The following CHST10 variants were observed in gnomAD, a reference collection of about 807,000 sequenced individuals.
CHST10 encodes the protein HNK-1 sulfotransferase.
Under a neutral mutation model 34.7 loss-of-function variants are expected in CHST10, and 24 were observed. The observed-to-expected ratio is 0.69, with a 90% CI of 0.50 to 0.97. The LOEUF (loss-of-function observed/expected upper bound fraction) is 0.97. CHST10 is among the 50% of genes least tolerant of loss of function. CHST10 has a pLI of 0.00. For missense variants in CHST10, 402 were observed against 452.1 expected (o/e 0.89, Z 1.00); for synonymous variants, 161 against 169.3 (o/e 0.95, Z 0.38).
intron 2 of CHST10, among the ~76,000 whole-genome samples, chr2:100,414,496 A>G (rs529469751): frequency 6.6e-6 from 1 of 152,214 alleles, no homozygotes; most frequent in Non-Finnish European, 1.5e-5. Context: ...CCCTGAGCAC[A>G]TTCTGAACTA....
rs1465431488 is a variant in CHST10, at chr2:100,397,918, A to G, written c.417T>C (p.Ile139=). Reference sequence around the variant, plus strand: ...TAGACCCACACACACCATTTAGAACAATCAGCACTTTCTTCCACTGGGTGT... The same window carrying G: ...TAGACCCACACACACCATTTAGAACGATCAGCACTTTCTTCCACTGGGTGT... ...VGNTQWKKVL[I]VLNGAFSSIE... Residue 139 remains isoleucine, a synonymous_variant, in exon 5 of 7, where the codon ATT becomes ATC. Transcript: ENST00000264249. The G allele has an allele frequency of 1.2e-6, 2 of 1,612,070 alleles. No individual in the cohort carries two copies. Among genetic ancestry groups the G allele is most frequent in the South Asian group, 1.1e-5 (1 of 90,662 alleles).
At chr2:100,396,419 G>A (rs1454059226) in intron 5 of CHST10, among the ~76,000 whole-genome samples, 12 of 152,174 alleles carry the variant, frequency 7.9e-5, no homozygotes, top group Admixed American at 7.2e-4. Flanking sequence ...AGTATGCTGA[G>A]GTTTTCTCCA....
At position 100,395,551 on chromosome 2, in the gene CHST10, A is replaced by C; in HGVS notation, c.491T>G (p.Leu164Arg). The C allele has an allele frequency of 6.2e-7, 1 of 1,614,026 alleles. No homozygotes were observed. Among genetic ancestry groups the C allele is most frequent in the South Asian group, 1.1e-5 (1 of 91,056 alleles). Reference sequence around the variant, plus strand: ...ATCACTGAAGGAAGAGAGCCGAGGAAGGCCGTTCTTCTCGTGGTCGTGCAC... The same window carrying C: ...ATCACTGAAGGAAGAGAGCCGAGGACGGCCGTTCTTCTCGTGGTCGTGCAC... ...NVVHDHEKNG[L>R]PRLSSFSDAE... Residue 164 changes from leucine to arginine, a missense_variant, in exon 6 of 7, where the codon CTT becomes CGT. Transcript: ENST00000264249.
At chr2:100,416,972 C>A (rs1676092281) in intron 1 of CHST10, 3 of 1,304,168 alleles carry the variant, frequency 2.3e-6, no homozygotes, top group Non-Finnish European at 2.0e-6. Flanking sequence ...CATTCCCACC[C>A]CTGACTCCCC....
intron 2 of CHST10, chr2:100,408,162 A>C (rs529759091): frequency 5.3e-5 from 8 of 151,868 alleles, no homozygotes; most frequent in African/African-American, 1.9e-4. Flanking sequence ...TATTACATAT[A>C]CTTATACTAA....
At chr2:100,405,623 G>A (rs1174450849) in intron 3 of CHST10, among the ~76,000 whole-genome samples, 2 of 152,206 alleles carry the variant, frequency 1.3e-5, no homozygotes, top group African/African-American at 4.8e-5. Context: ...TGCTGGCACA[G>A]AGGCATCTCT....
chr2:100,395,329 G>C (rs1039794196), intron 6 of CHST10, among the ~76,000 whole-genome samples, 180 bp downstream of exon 6: 1 of 152,216 alleles, frequency 6.6e-6, no homozygotes, highest in African/African-American at 2.4e-5. Context: ...AGAAGGAACT[G>C]AGAGTTTTGA....
rs375217863 is a variant in CHST10, at chr2:100,401,092, C to T, written c.192+1472G>A. ...GTCACCTAACGGCATGTGGCCTCAG[C>T]GGACATCACCTCTGACATCCCCCAC... On this transcript the variant is annotated intron_variant, in intron 4 of 6. Coordinates refer to ENST00000264249, the MANE Select transcript of CHST10 (RefSeq NM_004854.5). Among the ~76,000 whole-genome samples, 34 of 152,296 alleles carry T rather than the reference C, an allele frequency of 2.2e-4. 1 individual carries two copies. Among genetic ancestry groups the T allele is most frequent in the African/African-American group, 7.2e-4 (30 of 41,568 alleles).
At chr2:100,400,833 C>A (rs1290840767) in intron 4 of CHST10, among the ~76,000 whole-genome samples, 1 of 152,138 alleles carries the variant, frequency 6.6e-6, no homozygotes, top group Non-Finnish European at 1.5e-5. Flanking sequence ...CACATGCCAC[C>A]ACACCTGGCT....
chr2:100,394,229 G>C (rs1674940049), intron 6 of CHST10, among the ~76,000 whole-genome samples: 1 of 148,144 alleles, frequency 6.8e-6, no homozygotes, highest in Non-Finnish European at 1.5e-5. Context: ...CAAATTGCCA[G>C]GGGAAGGGGG....
Position 100,395,575 on chromosome 2 carries a change from A to G in CHST10, c.467T>C (p.Val156Ala). 1 of 1,614,098 alleles carries G rather than the reference A, an allele frequency of 6.2e-7. No individual in the cohort carries two copies. The highest frequency in any genetic ancestry group is 1.6e-4 in the Middle Eastern group (1 of 6,062). Reference protein sequence around the residue: ...SSIEEIPENVVHDHEKNGLPR... With the variant: ...SSIEEIPENVAHDHEKNGLPR... ...AAGGCCGTTCTTCTCGTGGTCGTGCACCACGTTTTCGGGGATCTCCTCAAT... is the reference window on the plus strand; with the variant it reads ...AAGGCCGTTCTTCTCGTGGTCGTGCGCCACGTTTTCGGGGATCTCCTCAAT... The change falls in exon 6 of 7, where the codon GTG becomes GCG. Residue 156 changes from valine (V) to alanine (A), a missense_variant. Val to Ala is a moderately conservative substitution (Grantham distance 64, BLOSUM62 0). Coordinates refer to ENST00000264249, the MANE Select transcript of CHST10 (RefSeq NM_004854.5).
chr2:100,402,790 A>G (rs1675403257), intron 3 of CHST10, 135 bp from the exon 4 acceptor site: 1 of 686,004 alleles, frequency 1.5e-6, no homozygotes, highest in South Asian at 1.8e-5. Context: ...AAAGCCATTC[A>G]GCGGAGGAGG....
chr2:100,415,123 A>G lies in CHST10; in HGVS notation c.-103-12T>C. 1 of 1,279,624 alleles carries G rather than the reference A, an allele frequency of 7.8e-7. No individual in the cohort carries two copies. Among genetic ancestry groups the G allele is most frequent in the South Asian group, 1.3e-5 (1 of 77,034 alleles). 79.3% of individuals were successfully genotyped at this position (1,279,624 alleles called of 1,614,324 possible). ...GGTTCCTCTTGTCACTGGATAGGAA[A>G]ATTAAAAAAAAAAAAGCATTATTAA... On this transcript the variant is annotated splice_polypyrimidine_tract_variant and intron_variant, in intron 1 of 6. Transcript: ENST00000264249.
At chr2:100,399,666 C>T (rs1025378397) in intron 4 of CHST10, among the ~76,000 whole-genome samples, 1 of 152,172 alleles carries the variant, frequency 6.6e-6, no homozygotes, top group Non-Finnish European at 1.5e-5. Flanking sequence ...GAGGTCCCCC[C>T]TCAGGGCCCC....
chr2:100,407,172 T>C (rs538520995), intron 2 of CHST10, among the ~76,000 whole-genome samples: 76 of 152,298 alleles, frequency 5.0e-4, no homozygotes, highest in African/African-American at 1.6e-3. Flanking sequence ...TTTAAAATTC[T>C]GACTGGCTGA....
At chr2:100,399,622 C>T (rs889895222) in intron 4 of CHST10, among the ~76,000 whole-genome samples, 11 of 152,228 alleles carry the variant, frequency 7.2e-5, no homozygotes, top group Non-Finnish European at 1.3e-4. Flanking sequence ...CTAGAACACA[C>T]TAGAACCGGG....
At chr2:100,409,268 T>C (rs952500286) in intron 2 of CHST10, among the ~76,000 whole-genome samples, 1 of 152,082 alleles carries the variant, frequency 6.6e-6, no homozygotes, top group Non-Finnish European at 1.5e-5. Flanking sequence ...GAATGTAATA[T>C]GATTTCGCCC....
chr2:100,416,938 G>C, intron 1 of CHST10: 1 of 1,301,732 alleles, frequency 7.7e-7, no homozygotes, highest in Non-Finnish European at 1.0e-6. Flanking sequence ...AGGGCACCCC[G>C]GGGCCCCTCA....
chr2:100,394,579 C>T (rs1674963985), intron 6 of CHST10, among the ~76,000 whole-genome samples: 1 of 152,208 alleles, frequency 6.6e-6, no homozygotes, highest in African/African-American at 2.4e-5. Context: ...AGGCAGGTGG[C>T]TGCAGACCCA....
Sources: allele counts gnomAD v4.1 joint callset (sites outside exome capture counted in the v4.1 genomes callset), GRCh38; gene constraint gnomAD v4.1.1; transcripts MANE v1.5; gene names NCBI Gene and HGNC (gene_info 2026-07-23, HGNC 2026-07-21).